EYA4: variants seen among roughly 807,000 people sequenced by gnomAD.
EYA4 encodes protein phosphatase EYA4.
A neutral mutation model predicts 87.9 loss-of-function variants in EYA4; 31 were observed. The observed-to-expected ratio is 0.35, with a 90% CI of 0.27 to 0.48. The LOEUF (loss-of-function observed/expected upper bound fraction) is 0.48. EYA4 is among the 20% of genes least tolerant of loss of function. The pLI is 0.99. For synonymous variants in EYA4, 263 were observed against 270.6 expected, an observed-to-expected ratio of 0.97 and a Z score of 0.28; for missense variants, 678 against 761.4, an observed-to-expected ratio of 0.89 and a Z score of 1.29.
rs1194967421 is a variant in EYA4, at chr6:133,531,532, T to C, written c.*2727T>C. 2.8e-6 allele frequency: 1 copy of C among 356,698 alleles called. No individual in the cohort carries two copies. The highest frequency in any genetic ancestry group is 5.1e-6 in the Non-Finnish European group (1 of 196,104). The allele number at this position is 356,698 out of a possible 1,614,324, so 22.1% of individuals were successfully genotyped here. On this transcript the variant is annotated 3_prime_UTR_variant, in exon 20 of 20. Coordinates refer to ENST00000355286, the MANE Select transcript of EYA4 (RefSeq NM_004100.5). ...GTTTTCGGCTATTATGTATACAGCT[T>C]GGTATATTACTACGAAAGATAACCA...
chr6:133,437,682 A>C (rs1156705892), intron 3 of EYA4, among the ~76,000 whole-genome samples: 1 of 152,168 alleles, frequency 6.6e-6, no homozygotes, highest in Non-Finnish European at 1.5e-5. Context: ...CAGGAAACTT[A>C]TAATTATGGC....
chr6:133,504,747 T>C (rs971212835), intron 13 of EYA4, among the ~76,000 whole-genome samples: 4 of 152,202 alleles, frequency 2.6e-5, no homozygotes, highest in African/African-American at 4.8e-5. Flanking sequence ...GAGTGGTTTC[T>C]CCTTGCAAAT....
In EYA4 at chr6:133,529,205, A is replaced by G; in HGVS notation, c.*400A>G. ...TTCTCAGCCCTGAGGTTTGAATCTG[A>G]CTTTAGCCTACCTAACCCAGAAAAT... On this transcript the variant is annotated 3_prime_UTR_variant, in exon 20 of 20. Transcript: ENST00000355286. 1 of 1,143,738 alleles carries G rather than the reference A, an allele frequency of 8.7e-7. No individual in the cohort carries two copies. The highest frequency in any genetic ancestry group is 1.1e-6 in the Non-Finnish European group (1 of 922,560). 70.8% of individuals were successfully genotyped at this position (1,143,738 alleles called of 1,614,324 possible). A position where few individuals can be genotyped will look rare whatever the true frequency, so the allele number is the denominator to read the frequency against.
chr6:133,446,312 G>A (rs1411336657), intron 3 of EYA4, among the ~76,000 whole-genome samples: 2 of 151,960 alleles, frequency 1.3e-5, no homozygotes, highest in South Asian at 4.1e-4. Flanking sequence ...ATTTTTATAT[G>A]TCAGTGATAA....
At chr6:133,498,341 G>A (rs1019508734) in intron 13 of EYA4, among the ~76,000 whole-genome samples, 2 of 152,128 alleles carry the variant, frequency 1.3e-5, no homozygotes, top group African/African-American at 4.8e-5. Context: ...GCATTTATGA[G>A]CCTCAGTTGT....
chr6:133,498,343 C>G (rs1024287204), intron 13 of EYA4, among the ~76,000 whole-genome samples: 3 of 152,030 alleles, frequency 2.0e-5, no homozygotes, highest in Non-Finnish European at 4.4e-5. Context: ...ATTTATGAGC[C>G]TCAGTTGTCT....
At chr6:133,414,609 A>G (rs1387191811) in intron 3 of EYA4, among the ~76,000 whole-genome samples, 1 of 152,096 alleles carries the variant, frequency 6.6e-6, no homozygotes, top group African/African-American at 2.4e-5. Context: ...ACTGGACTTC[A>G]CCTGGCTTCC....
chr6:133,505,417 A>C (rs149626731), intron 13 of EYA4, among the ~76,000 whole-genome samples: 1 of 152,178 alleles, frequency 6.6e-6, no homozygotes, highest in Non-Finnish European at 1.5e-5. Flanking sequence ...CCCAAAGCAT[A>C]TATTTTTTAC....
chr6:133,465,023 G>C (rs1288238309), intron 10 of EYA4, among the ~76,000 whole-genome samples, 165 bp downstream of exon 10: 1 of 152,160 alleles, frequency 6.6e-6, no homozygotes, highest in Middle Eastern at 3.4e-3. Flanking sequence ...AGAATTCTTG[G>C]AATATGCATT....
chr6:133,420,960 T>C (rs1583230823), intron 3 of EYA4, among the ~76,000 whole-genome samples: 1 of 152,242 alleles, frequency 6.6e-6, no homozygotes, highest in African/African-American at 2.4e-5. Context: ...TTATCTGTCA[T>C]ACGTTTCTTT....
chr6:133,271,592 C>T (rs1366129659), intron 1 of EYA4, among the ~76,000 whole-genome samples: 2 of 152,170 alleles, frequency 1.3e-5, no homozygotes, highest in African/African-American at 2.4e-5. Flanking sequence ...AGGTAGCTGG[C>T]TGATCACCCC....
rs1280506224 is a variant in EYA4 at position 133,456,542 on chromosome 6, ATTC to A, written c.278-9_278-7del. 3 of 1,567,192 alleles carry A rather than the reference ATTC, an allele frequency of 1.9e-6. No individual in the cohort carries two copies. The highest frequency in any genetic ancestry group is 2.7e-5 in the African/African-American group (2 of 74,018). On this transcript the variant is annotated splice_polypyrimidine_tract_variant and intron_variant, in intron 5 of 19. Transcript: ENST00000355286. ...TTAGAAGTAAAACTCACATGTACTT[ATTC>A]TTCTACGTAGTGTCTCTTCTTGCAG...
At chr6:133,419,824 T>G (rs1011211821) in intron 3 of EYA4, among the ~76,000 whole-genome samples, 1 of 152,198 alleles carries the variant, frequency 6.6e-6, no homozygotes, top group South Asian at 2.1e-4. Flanking sequence ...CTGCTTCATC[T>G]TGCATCTGTG....
chr6:133,487,626 G>C (rs1796792086), intron 13 of EYA4, among the ~76,000 whole-genome samples: 1 of 152,182 alleles, frequency 6.6e-6, no homozygotes, highest in Admixed American at 6.5e-5. Flanking sequence ...CACACGCCCT[G>C]AAGGAAGCTT....
intron 2 of EYA4, chr6:133,360,512 TTG>T (rs2128445162): frequency 6.6e-6 from 1 of 152,354 alleles, no homozygotes; most frequent in South Asian, 2.1e-4. Context: ...TCAGGATATC[TTG>T]TGTTATCACC....
chr6:133,521,783 C>A (rs1800168092), intron 17 of EYA4, among the ~76,000 whole-genome samples: 1 of 77,192 alleles, frequency 1.3e-5, no homozygotes, highest in Non-Finnish European at 2.5e-5. Context: ...TACTATGCAG[C>A]CATAAAAAAT....
At chr6:133,518,967 T>C (rs1054683734) in intron 17 of EYA4, among the ~76,000 whole-genome samples, 2 of 150,294 alleles carry the variant, frequency 1.3e-5, no homozygotes, top group East Asian at 3.9e-4. Context: ...AGACACAACA[T>C]ACCAGAATCT....
At chr6:133,451,178 A>C (rs1172490207) in intron 5 of EYA4, among the ~76,000 whole-genome samples, 1 of 152,238 alleles carries the variant, frequency 6.6e-6, no homozygotes, top group Non-Finnish European at 1.5e-5. Flanking sequence ...ATTGTATTTA[A>C]ATAATTTGAC....
chr6:133,528,614 C>A, intron 19 of EYA4, 111 bp from the exon 20 acceptor site: 1 of 851,672 alleles, frequency 1.2e-6, no homozygotes, highest in Non-Finnish European at 2.1e-6. Flanking sequence ...CTTGGGTGGA[C>A]CACACATCCC....
Sources: allele counts gnomAD v4.1 joint callset (sites outside exome capture counted in the v4.1 genomes callset), GRCh38; gene constraint gnomAD v4.1.1; transcripts MANE v1.5; gene names NCBI Gene and HGNC (gene_info 2026-07-23, HGNC 2026-07-21).